Variants in FREM3 observed in about 807,000 individuals in gnomAD.
FREM3 encodes FRAS1 related extracellular matrix 3, also known as FRAS1-related extracellular matrix protein 3.
A neutral mutation model predicts 129.1 loss-of-function variants in FREM3; 105 were observed. The observed-to-expected ratio is 0.81, with a 90% CI of 0.69 to 0.96. The LOEUF is 0.96. Among genes scored for constraint, FREM3 ranks in the 40% least tolerant of loss-of-function variants. FREM3 has a pLI of 0.00. For synonymous variants in FREM3, 1,014 were observed against 1,044.9 expected (o/e 0.97, Z 0.57); for missense variants, 2,593 against 2,666.3 (o/e 0.97, Z 0.61).
chr4:143,688,225 A>G (rs946881503), intron 2 of FREM3, among the ~76,000 whole-genome samples: 1 of 152,214 alleles, frequency 6.6e-6, no homozygotes, highest in Admixed American at 6.5e-5. Flanking sequence ...AACAGCTACC[A>G]AGTGGAGAAT....
At chr4:143,668,883 T>C (rs928403487) in intron 2 of FREM3, among the ~76,000 whole-genome samples, 2 of 152,192 alleles carry the variant, frequency 1.3e-5, no homozygotes, top group Non-Finnish European at 2.9e-5. Context: ...TGTGCCTTGA[T>C]AGGGAATTGT....
intron 7 of FREM3, among the ~76,000 whole-genome samples, chr4:143,584,270 G>A (rs1469930409): frequency 5.3e-5 from 8 of 152,110 alleles, no homozygotes; most frequent in Non-Finnish European, 7.4e-5. Context: ...TTAGCCGGGC[G>A]CGGTGGCGGG....
Position 143,611,676 on chromosome 4 carries a change from T to A in FREM3, c.5780-149A>T, listed in dbSNP as rs547666174. 290 of 705,942 alleles carry A rather than the reference T, an allele frequency of 4.1e-4. 2 individuals are homozygous for A. In the South Asian group the frequency reaches 5.5e-3, roughly 13 times the overall value. 43.7% of individuals were successfully genotyped at this position (705,942 alleles called of 1,614,324 possible). A position where few individuals can be genotyped will look rare whatever the true frequency, so the allele number is the denominator to read the frequency against. ...CTTATGCTCACAAATAGTAATACTGTAAGAAGAAGGCTTTTGGAATAGACT... is the reference window on the plus strand; with the variant it reads ...CTTATGCTCACAAATAGTAATACTGAAAGAAGAAGGCTTTTGGAATAGACT... On this transcript the variant is annotated intron_variant, in intron 5 of 7. Coordinates refer to ENST00000329798, the MANE Select transcript of FREM3 (RefSeq NM_001168235.2).
At chr4:143,580,588 C>T (rs1738112746) in intron 7 of FREM3, among the ~76,000 whole-genome samples, 1 of 152,136 alleles carries the variant, frequency 6.6e-6, no homozygotes, top group Admixed American at 6.5e-5. Context: ...GATAGGGGCT[C>T]TGTGAATTCA....
At chr4:143,594,767 C>G (rs1388714770) in intron 6 of FREM3, among the ~76,000 whole-genome samples, 3 of 152,198 alleles carry the variant, frequency 2.0e-5, no homozygotes, top group Non-Finnish European at 4.4e-5. Flanking sequence ...TCATGAAATT[C>G]TTTCTAGATG....
At chr4:143,640,603 G>A (rs1333021487) in intron 2 of FREM3, among the ~76,000 whole-genome samples, 11 of 152,206 alleles carry the variant, frequency 7.2e-5, no homozygotes, top group Admixed American at 7.2e-4. Context: ...CCAGGAGGTG[G>A]AGGTTGTGGT....
chr4:143,688,448 C>T (rs1412330233), intron 2 of FREM3, among the ~76,000 whole-genome samples: 1 of 152,026 alleles, frequency 6.6e-6, no homozygotes, highest in Non-Finnish European at 1.5e-5. Flanking sequence ...GACCATACTG[C>T]CAAAAGCAAT....
chr4:143,647,652 TG>T (rs541380996), intron 2 of FREM3, among the ~76,000 whole-genome samples: 122 of 152,188 alleles, frequency 8.0e-4, no homozygotes, highest in Non-Finnish European at 1.1e-3. Context: ...TAAGCCTTGG[TG>T]GCTTACATAT....
chr4:143,583,024 GTGCACACCACCA>G (rs1738174635), intron 7 of FREM3, among the ~76,000 whole-genome samples: 1 of 151,848 alleles, frequency 6.6e-6, no homozygotes, highest in East Asian at 1.9e-4. Context: ...TGGACTACAG[GTGCACACCACCA>G]TGCCGGGCTA....
At chr4:143,687,114 GA>G (rs1740384441) in intron 2 of FREM3, among the ~76,000 whole-genome samples, 2 of 152,048 alleles carry the variant, frequency 1.3e-5, no homozygotes, top group South Asian at 4.2e-4. Context: ...GACTAATCAA[GA>G]AAAGTAGAGA....
rs757820028 is a variant in FREM3 at position 143,697,339 on chromosome 4, G to A, written c.3337C>T (p.Pro1113Ser). The change falls in exon 1 of 8, where the codon CCA (proline) becomes TCA (serine). Residue 1113 changes from proline to serine, a missense_variant. Physicochemically the swap from Pro to Ser is moderately conservative, Grantham distance 74. Around this residue, in one of 2 missense-constraint regions of FREM3, gnomAD observed 2,276 missense variants for 2,267.2 expected, o/e 1.00. Transcript: ENST00000329798. ...ATCTTTTCCAGGTAGCCAGAGGCTG[G>A]CTGACTAGTCACTGTGCAGAGGAGT... The part of the protein sequence containing the change: ...DELLCTVTSQ[P>S]ASGYLEKIAS... 6.5e-7 allele frequency: 1 copy of A among 1,537,150 alleles called. No homozygotes were observed. The highest frequency in any genetic ancestry group is 1.2e-5 in the South Asian group (1 of 84,054).
Position 143,700,316 on chromosome 4 carries a change from C to A in FREM3, c.360G>T (p.Gly120=), listed in dbSNP as rs763688407. Residue 120 remains glycine, a synonymous_variant, in exon 1 of 8, where the codon GGG becomes GGT. Transcript: ENST00000329798. ...AGTGAGTGTACTGGACTTGGCGGGG[C>A]CCGAAGGTGCAGGGGAAGCGGCGCG... ...LSPRRFPCTF[G]PRQVQYTHFG... 1.3e-6 allele frequency: 2 copies of A among 1,534,904 alleles called. No homozygotes were observed. The highest frequency in any genetic ancestry group is 2.4e-5 in the East Asian group (1 of 40,848).
intron 2 of FREM3, among the ~76,000 whole-genome samples, chr4:143,661,703 T>C (rs1739727629): frequency 6.6e-6 from 1 of 152,238 alleles, no homozygotes; most frequent in Non-Finnish European, 1.5e-5. Context: ...AATTCGGCTG[T>C]GAATACATCT....
At chr4:143,578,136 A>T (rs769863909) in intron 7 of FREM3, among the ~76,000 whole-genome samples, 7 of 152,254 alleles carry the variant, frequency 4.6e-5, no homozygotes, top group Non-Finnish European at 7.3e-5. Flanking sequence ...CTGCCAAATT[A>T]TTGAAGGATC....
intron 2 of FREM3, among the ~76,000 whole-genome samples, chr4:143,660,265 G>T (rs1268991397): frequency 6.6e-6 from 1 of 151,856 alleles, no homozygotes; most frequent in African/African-American, 2.4e-5. Flanking sequence ...TTTGTATAAG[G>T]TGTAAGGAAG....
At chr4:143,690,473 G>A (rs1312271470) in intron 2 of FREM3, among the ~76,000 whole-genome samples, 1 of 152,108 alleles carries the variant, frequency 6.6e-6, no homozygotes, top group Non-Finnish European at 1.5e-5. Flanking sequence ...AGGCAGGGCA[G>A]GGTCTTCTTT....
chr4:143,613,258 C>A (rs925478234), intron 5 of FREM3, among the ~76,000 whole-genome samples: 2 of 152,166 alleles, frequency 1.3e-5, no homozygotes, highest in African/African-American at 4.8e-5. Flanking sequence ...TTTGCTAGGG[C>A]AGAGGGCAGA....
chr4:143,632,083 A>G lies in FREM3; in HGVS notation c.5276-4323T>C, dbSNP rs547306775. Among the ~76,000 whole-genome samples the G allele has an allele frequency of 2.0e-5, 3 of 152,154 alleles. No homozygotes were observed. The South Asian group carries it at 6.2e-4, about 32-fold the overall frequency. ...AAGTTATAGTCTAGGTTTTTGAAGGATGATTGATGAAAAGTTACAATTAAT... is the reference window on the plus strand; with the variant it reads ...AAGTTATAGTCTAGGTTTTTGAAGGGTGATTGATGAAAAGTTACAATTAAT... On this transcript the variant is annotated intron_variant, in intron 2 of 7. Transcript: ENST00000329798.
chr4:143,690,384 C>CT (rs1443668797), intron 2 of FREM3, among the ~76,000 whole-genome samples: 1 of 152,098 alleles, frequency 6.6e-6, no homozygotes, highest in African/African-American at 2.4e-5. Context: ...AGTTGGAGCA[C>CT]TAGGGTCATT....
Sources: gnomAD v4.1 joint callset for allele counts (sites outside exome capture counted in the v4.1 genomes callset) on GRCh38, gnomAD v4.1.1 for gene constraint, gnomAD v4.1.1 regional missense constraint, MANE v1.5 for transcripts, NCBI Gene and HGNC (gene_info 2026-07-23, HGNC 2026-07-21) for gene names.